Variants in SNX18 observed in about 807,000 individuals in gnomAD.
The protein encoded by SNX18 is sorting nexin-18.
A neutral mutation model predicts 48.7 loss-of-function variants in SNX18; 35 were observed. The ratio of observed to expected loss-of-function variants is 0.72; its 90% CI spans 0.55 to 0.95. SNX18 has a LOEUF of 0.95. Ranked by LOEUF, SNX18 falls within the 40% of genes least tolerant of loss-of-function variation. The pLI, the probability that SNX18 is intolerant of heterozygous loss-of-function variation, is 0.00. For synonymous variants in SNX18, 492 were observed against 384.7 expected (o/e 1.28, Z -3.26); for missense variants, 824 against 871.0 (o/e 0.95, Z 0.68).
At position 54,519,510 on chromosome 5, in the gene SNX18, G is replaced by A; in HGVS notation, c.1558G>A (p.Asp520Asn). ...QPRQDLDPVMDLLALYQGHLA... is the reference protein window; with the variant it reads ...QPRQDLDPVMNLLALYQGHLA... The stretch of plus-strand genomic sequence containing the variant: ...CAGGCAGGACCTGGATCCCGTCATG[G>A]ACCTATTAGCGCTGTATCAGGGGCA... Residue 520 changes from aspartate (D) to asparagine (N), a missense_variant, in exon 1 of 2, where the codon GAC becomes AAC. This residue lies in a region of SNX18 where 443 missense variants were observed against 503.6 expected (regional missense o/e 0.88). Transcript: ENST00000381410. 6.2e-7 allele frequency: 1 copy of A among 1,614,248 alleles called. No homozygotes were observed. Among genetic ancestry groups the A allele is most frequent in the Non-Finnish European group, 8.5e-7 (1 of 1,180,040 alleles).
At chr5:54,574,661 C>T in the SNX18 span, among the ~76,000 whole-genome samples, 1 of 151,970 alleles carries the variant, frequency 6.6e-6, no homozygotes, top group East Asian at 1.9e-4. Context: ...TCAGGTGGCA[C>T]GTATGGTAAT....
At chr5:54,611,331 G>T in the SNX18 span, among the ~76,000 whole-genome samples, 3 of 152,022 alleles carry the variant, frequency 2.0e-5, no homozygotes, top group Non-Finnish European at 4.4e-5. Context: ...GCCCAAGATG[G>T]TCCTTTCCCC....
Position 54,519,403 on chromosome 5 carries a change from C to T in SNX18, c.1451C>T (p.Ala484Val). ...CAGGCCTTTGAGCTGGACCAGCAGG[C>T]CTTCTCGGTGGGCCTGAACCAGGCT... is the stretch of plus-strand genomic sequence containing the variant. ...LSQAFELDQQ[A>V]FSVGLNQAIA... Residue 484 changes from alanine (A) to valine (V), a missense_variant, in exon 1 of 2, where the codon GCC becomes GTC. Physicochemically the swap from Ala to Val is moderately conservative, Grantham distance 64. Around this residue, in one of 3 missense-constraint regions of SNX18, gnomAD observed 443 missense variants for 503.6 expected, o/e 0.88. Coordinates refer to ENST00000381410, the MANE Select transcript of SNX18 (RefSeq NM_001102575.2). 6.2e-7 allele frequency: 1 copy of T among 1,613,656 alleles called. No individual in the cohort carries two copies. Among genetic ancestry groups the T allele is most frequent in the Non-Finnish European group, 8.5e-7 (1 of 1,179,922 alleles).
At chr5:54,633,773 T>C in the SNX18 span, among the ~76,000 whole-genome samples, 1 of 152,218 alleles carries the variant, frequency 6.6e-6, no homozygotes. Flanking sequence ...TAATGGAGCT[T>C]GAACATAAAT....
chr5:54,636,535 T>C, the SNX18 span, among the ~76,000 whole-genome samples: 3 of 152,216 alleles, frequency 2.0e-5, no homozygotes, highest in Non-Finnish European at 2.9e-5. Flanking sequence ...CTGTACGTTG[T>C]TCATGCCTGA....
the SNX18 span, chr5:54,644,080 T>C: frequency 6.6e-6 from 1 of 152,222 alleles, no homozygotes; most frequent in East Asian, 1.9e-4. Flanking sequence ...GACAATAAGC[T>C]AGAGACCCTG....
At chr5:54,588,400 T>TCACTG in the SNX18 span, among the ~76,000 whole-genome samples, 1 of 135,442 alleles carries the variant, frequency 7.4e-6, no homozygotes, top group African/African-American at 2.8e-5. Context: ...TGATCTCAGC[T>TCACTG]CACTGCAAGC....
chr5:54,518,808 C>T lies in SNX18; in HGVS notation c.856C>T (p.Gln286Ter). The change falls in exon 1 of 2, where the codon CAG becomes TAG. Residue 286 changes from glutamine (Q) to a stop codon, truncating the protein, a stop_gained. Transcript: ENST00000381410. LOFTEE classifies it high-confidence loss of function. ...FQCTIDDPTKQTKFKGMKSYI... is the reference protein window; with the variant it reads ...FQCTIDDPTK ...GTGCACCATCGACGACCCCACCAAG[C>T]AGACCAAGTTCAAGGGCATGAAGAG... The T allele has an allele frequency of 6.2e-7, 1 of 1,604,970 alleles. No individual in the cohort carries two copies. Among genetic ancestry groups the T allele is most frequent in the Non-Finnish European group, 8.5e-7 (1 of 1,174,982 alleles).
Position 54,519,377 on chromosome 5 carries a change from C to CCAGGCCTTTGAGCTGGACCAG in SNX18, c.1434_1454dup (p.Glu479_Phe485dup). Reference sequence around the variant, plus strand: ...TGGGCCAGTCCTTCCGCGGCCTCAGCCAGGCCTTTGAGCTGGACCAGCAGG... The same window carrying CCAGGCCTTTGAGCTGGACCAG: ...TGGGCCAGTCCTTCCGCGGCCTCAGCCAGGCCTTTGAGCTGGACCAGCAGGCCTTTGAGCTGGACCAGCAGG... On this transcript the variant is annotated inframe_insertion, in exon 1 of 2. Coordinates refer to ENST00000381410, the MANE Select transcript of SNX18 (RefSeq NM_001102575.2). The CCAGGCCTTTGAGCTGGACCAG allele has an allele frequency of 6.2e-7, 1 of 1,613,350 alleles. No individual in the cohort carries two copies. The highest frequency in any genetic ancestry group is 8.5e-7 in the Non-Finnish European group (1 of 1,179,532).
At chr5:54,561,928 A>G in the SNX18 span, among the ~76,000 whole-genome samples, 1 of 152,198 alleles carries the variant, frequency 6.6e-6, no homozygotes, top group Non-Finnish European at 1.5e-5. Flanking sequence ...ATATTTTTTC[A>G]TCAGACTATG....
At chr5:54,612,871 C>T in the SNX18 span, among the ~76,000 whole-genome samples, 1 of 152,168 alleles carries the variant, frequency 6.6e-6, no homozygotes, top group African/African-American at 2.4e-5. Context: ...TCACTCAACC[C>T]ACCCTCACCC....
the SNX18 span, among the ~76,000 whole-genome samples, chr5:54,619,404 G>A: frequency 9.2e-5 from 14 of 152,192 alleles, no homozygotes; most frequent in East Asian, 1.9e-4. Flanking sequence ...CCAACTACTC[G>A]GGAGGCTGAG....
At chr5:54,631,726 G>A in the SNX18 span, among the ~76,000 whole-genome samples, 2 of 152,192 alleles carry the variant, frequency 1.3e-5, no homozygotes, top group South Asian at 2.1e-4. Context: ...AAGTCAAGAG[G>A]AGGAACCTTA....
chr5:54,586,753 T>C, the SNX18 span, among the ~76,000 whole-genome samples: 2 of 152,158 alleles, frequency 1.3e-5, no homozygotes, highest in African/African-American at 2.4e-5. Flanking sequence ...AGAGGAGACA[T>C]TCAGACCATA....
chr5:54,618,850 A>G, the SNX18 span, among the ~76,000 whole-genome samples: 1 of 152,198 alleles, frequency 6.6e-6, no homozygotes, highest in African/African-American at 2.4e-5. Context: ...AAAAAGATAT[A>G]CATCTCCGTA....
chr5:54,594,134 C>A, the SNX18 span, among the ~76,000 whole-genome samples: 1 of 152,080 alleles, frequency 6.6e-6, no homozygotes, highest in Non-Finnish European at 1.5e-5. Flanking sequence ...ATGGTAATCT[C>A]AAAAGCACAA....
chr5:54,556,282 C>G, the SNX18 span, among the ~76,000 whole-genome samples: 1 of 152,132 alleles, frequency 6.6e-6, no homozygotes, highest in Non-Finnish European at 1.5e-5. Flanking sequence ...GTCAGAAATC[C>G]AAAAGAGACT....
the SNX18 span, among the ~76,000 whole-genome samples, chr5:54,624,173 A>G: frequency 1.3e-5 from 2 of 152,230 alleles, no homozygotes; most frequent in East Asian, 1.9e-4. Context: ...AATCAATTGC[A>G]TACTATATAG....
chr5:54,584,496 G>A, the SNX18 span, among the ~76,000 whole-genome samples: 1 of 152,112 alleles, frequency 6.6e-6, no homozygotes, highest in Non-Finnish European at 1.5e-5. Flanking sequence ...CTGGCCTAAG[G>A]TAAAAACGTT....
Sources: allele counts gnomAD v4.1 joint callset (sites outside exome capture counted in the v4.1 genomes callset), GRCh38; gene constraint gnomAD v4.1.1; regional missense constraint gnomAD v4.1.1; transcripts MANE v1.5; gene names NCBI Gene and HGNC (gene_info 2026-07-23, HGNC 2026-07-21).